Variants in SDK1 observed in about 807,000 individuals in gnomAD.
The protein encoded by SDK1 is protein sidekick-1.
Under a neutral mutation model 245.5 loss-of-function variants are expected in SDK1, and 157 were observed. The observed-to-expected ratio is 0.64, with a 90% CI of 0.56 to 0.73. The LOEUF (loss-of-function observed/expected upper bound fraction) is 0.73. SDK1 is among the 30% of genes least tolerant of loss of function. The pLI is 0.00. For missense variants in SDK1, 3,583 were observed against 3,002.3 expected, an observed-to-expected ratio of 1.19 and a Z score of -4.52; for synonymous variants, 1,647 against 1,278.5, an observed-to-expected ratio of 1.29 and a Z score of -6.15.
intron 1 of SDK1, among the ~76,000 whole-genome samples, chr7:3,610,449 T>C (rs1413467457): frequency 2.0e-5 from 3 of 152,236 alleles, no homozygotes; most frequent in Non-Finnish European, 4.4e-5. Context: ...CTACAAACCA[T>C]AGAAATGACA....
chr7:3,752,372 C>A (rs1379313233), intron 4 of SDK1, among the ~76,000 whole-genome samples: 1 of 152,152 alleles, frequency 6.6e-6, no homozygotes, highest in African/African-American at 2.4e-5. Flanking sequence ...TACATAATTA[C>A]TATTCTGCAA....
chr7:4,204,806 G>A (rs1784102891), intron 35 of SDK1, among the ~76,000 whole-genome samples: 1 of 152,222 alleles, frequency 6.6e-6, no homozygotes, highest in South Asian at 2.1e-4. Context: ...ACAGCCGGGA[G>A]AGCCCCAGTG....
At chr7:3,475,480 G>T (rs568374703) in intron 1 of SDK1, among the ~76,000 whole-genome samples, 4 of 152,162 alleles carry the variant, frequency 2.6e-5, no homozygotes, top group African/African-American at 4.8e-5. Context: ...ACTTGATTTC[G>T]CAAAAATCAA....
intron 14 of SDK1, among the ~76,000 whole-genome samples, chr7:3,990,060 C>T (rs1784179095): frequency 6.6e-6 from 1 of 152,238 alleles, no homozygotes; most frequent in Admixed American, 6.5e-5. Flanking sequence ...TACAGCGGGG[C>T]TTCAGGGAGA....
At chr7:3,313,963 A>G (rs921086766) in intron 1 of SDK1, among the ~76,000 whole-genome samples, 2 of 152,228 alleles carry the variant, frequency 1.3e-5, no homozygotes, top group Non-Finnish European at 2.9e-5. Flanking sequence ...GAGTTAATTC[A>G]TCTAATGCCT....
chr7:4,055,265 T>G, intron 19 of SDK1, among the ~76,000 whole-genome samples: 1 of 152,302 alleles, frequency 6.6e-6, no homozygotes, highest in South Asian at 2.1e-4. Flanking sequence ...TAAATGCAAT[T>G]TATAAATGGT....
chr7:3,798,700 C>G (rs1304738343), intron 4 of SDK1, among the ~76,000 whole-genome samples: 1 of 152,156 alleles, frequency 6.6e-6, no homozygotes, highest in Non-Finnish European at 1.5e-5. Context: ...CAGTATTGTT[C>G]CCTTTCCACA....
chr7:3,817,013 T>C (rs940282064), intron 4 of SDK1, among the ~76,000 whole-genome samples: 1 of 152,240 alleles, frequency 6.6e-6, no homozygotes, highest in Non-Finnish European at 1.5e-5. Flanking sequence ...CTATGTTTAA[T>C]GGGCAAAGTT....
chr7:3,592,521 C>T (rs993067628), intron 1 of SDK1, among the ~76,000 whole-genome samples: 5 of 152,126 alleles, frequency 3.3e-5, no homozygotes, highest in African/African-American at 9.7e-5. Context: ...TTTAATGATG[C>T]TGTTTGTGTA....
intron 19 of SDK1, among the ~76,000 whole-genome samples, chr7:4,065,274 G>A (rs1461809713): frequency 6.6e-6 from 1 of 152,154 alleles, no homozygotes; most frequent in East Asian, 1.9e-4. Context: ...TTAGCTGATG[G>A]TGCTGTAGTT....
chr7:3,957,346 A>G (rs1781351681), intron 7 of SDK1, among the ~76,000 whole-genome samples: 1 of 152,180 alleles, frequency 6.6e-6, no homozygotes, highest in Non-Finnish European at 1.5e-5. Flanking sequence ...CAGTAGCAGT[A>G]TCCTGATCAT....
chr7:4,129,669 A>T, intron 26 of SDK1: 1 of 1,381,372 alleles, frequency 7.2e-7, no homozygotes, highest in Non-Finnish European at 9.3e-7. Context: ...ACCAGGCAGC[A>T]GGCTCGCCAA....
chr7:3,826,560 T>C (rs1779781004), intron 5 of SDK1, among the ~76,000 whole-genome samples: 1 of 152,216 alleles, frequency 6.6e-6, no homozygotes, highest in Admixed American at 6.5e-5. Context: ...AATGCCGTCG[T>C]CTTCAGTTGT....
At chr7:4,201,718 G>C (rs927301838) in intron 35 of SDK1, among the ~76,000 whole-genome samples, 6 of 150,198 alleles carry the variant, frequency 4.0e-5, no homozygotes, top group Non-Finnish European at 7.5e-5. Flanking sequence ...ACCCAGCATG[G>C]CACAGGGTGG....
intron 17 of SDK1, among the ~76,000 whole-genome samples, chr7:4,040,127 C>T (rs1258845339): frequency 1.3e-5 from 2 of 152,176 alleles, no homozygotes; most frequent in Non-Finnish European, 2.9e-5. Flanking sequence ...TGTCTCACCA[C>T]ACTGGGGGCT....
chr7:3,579,916 C>T (rs567968029), intron 1 of SDK1, among the ~76,000 whole-genome samples: 1 of 152,174 alleles, frequency 6.6e-6, no homozygotes, highest in Non-Finnish European at 1.5e-5. Context: ...CCAAAGTGTT[C>T]TTCAGCTGAT....
chr7:3,461,727 A>G (rs1780836756), intron 1 of SDK1, among the ~76,000 whole-genome samples: 1 of 152,194 alleles, frequency 6.6e-6, no homozygotes, highest in African/African-American at 2.4e-5. Flanking sequence ...AACAGAAGCC[A>G]TTAGATGGAA....
chr7:4,082,311 G>A lies in SDK1; in HGVS notation c.3324+2727G>A, dbSNP rs139697819. ...CACACTTTAGGAGACCAAGGCAGGC[G>A]GATCACTTGAGGTTGGGAGTTCGAG... On this transcript the variant is annotated intron_variant, in intron 22 of 44. Transcript: ENST00000404826. Among the ~76,000 whole-genome samples, 499 of 152,206 alleles carry A rather than the reference G, an allele frequency of 3.3e-3. 6 individuals carry two copies. Among genetic ancestry groups the A allele is most frequent in the African/African-American group, 0.011 (465 of 41,554 alleles).
intron 1 of SDK1, among the ~76,000 whole-genome samples, chr7:3,335,809 A>G (rs1033445759): frequency 6.6e-5 from 10 of 152,150 alleles, no homozygotes; most frequent in African/African-American, 1.9e-4. Context: ...AGAAATGGGA[A>G]TGGGCCAGAG....
Sources: allele counts gnomAD v4.1 joint callset (sites outside exome capture counted in the v4.1 genomes callset), GRCh38; gene constraint gnomAD v4.1.1; transcripts MANE v1.5; gene names NCBI Gene and HGNC (gene_info 2026-07-23, HGNC 2026-07-21).